Variants in ORC2 observed in about 807,000 individuals in gnomAD.
ORC2 encodes origin recognition complex subunit 2.
In ORC2, 37 loss-of-function variants were observed where a neutral mutation model predicts 77.7. That is an observed-to-expected ratio of 0.48 (90% CI 0.37 to 0.63). ORC2 has a LOEUF of 0.63. Among genes scored for constraint, ORC2 ranks in the 20% least tolerant of loss-of-function variants. ORC2 has a pLI of 0.00. For synonymous variants in ORC2, 201 were observed against 229.5 expected, an observed-to-expected ratio of 0.88 and a Z score of 1.12; for missense variants, 557 against 661.9, an observed-to-expected ratio of 0.84 and a Z score of 1.74.
At chr2:200,928,543 G>C (rs2040882027) in intron 11 of ORC2, among the ~76,000 whole-genome samples, 1 of 151,042 alleles carries the variant, frequency 6.6e-6, no homozygotes, top group Non-Finnish European at 1.5e-5. Context: ...GCCAGGCGCA[G>C]TGGCTCACGC....
Position 200,959,643 on chromosome 2 carries a change from T to C in ORC2, c.-59-203A>G, listed in dbSNP as rs16836259. 6.6e-3 allele frequency among the ~76,000 whole-genome samples: 1,010 copies of C among 152,326 alleles called. 9 individuals carry two copies. The highest frequency in any genetic ancestry group is 0.027 in the Middle Eastern group (8 of 294). On this transcript the variant is annotated intron_variant, in intron 1 of 17. Transcript: ENST00000234296. ...GGAAGCCCTAGATACTGAGAACATCTGGATGGAGTGGGAAGAGAGGAGGAC... is the reference window on the plus strand; with the variant it reads ...GGAAGCCCTAGATACTGAGAACATCCGGATGGAGTGGGAAGAGAGGAGGAC...
chr2:200,937,794 CAA>C (rs2041074669), intron 8 of ORC2, 110 bp downstream of exon 8: 2 of 708,870 alleles, frequency 2.8e-6, no homozygotes, highest in Non-Finnish European at 4.9e-6. Context: ...AACTAAAAGC[CAA>C]AGATTCAAAA....
At position 200,920,362 on chromosome 2, in the gene ORC2, G is replaced by A. The variant is rs2040734956; in HGVS notation, c.1326C>T (p.Asn442=). The change falls in exon 15 of 18, where the codon AAC becomes AAT. Residue 442 remains asparagine, a synonymous_variant. Transcript: ENST00000234296. The stretch of plus-strand genomic sequence containing the variant: ...ATGTAGTAGTTTCATACCAGAGCCA[G>A]TTAAAAAGACTCTGCTTTGCATGAT... ...MWDHAKQSLF[N]WLWYETTTYS... The A allele has an allele frequency of 6.2e-7, 1 of 1,606,732 alleles. No homozygotes were observed.
intron 17 of ORC2, among the ~76,000 whole-genome samples, chr2:200,911,707 T>G (rs912867712): frequency 2.0e-5 from 3 of 152,186 alleles, no homozygotes; most frequent in Non-Finnish European, 4.4e-5. Context: ...TTCTTCCTCC[T>G]TTCAACAAGA....
intron 5 of ORC2, among the ~76,000 whole-genome samples, chr2:200,945,425 C>T (rs1026869753): frequency 6.7e-6 from 1 of 148,632 alleles, no homozygotes; most frequent in Non-Finnish European, 1.5e-5. Context: ...GGTGTGGTGG[C>T]GTGTGACTTT....
At chr2:200,953,414 T>G (rs1195382583) in intron 4 of ORC2, among the ~76,000 whole-genome samples, 2 of 138,048 alleles carry the variant, frequency 1.4e-5, no homozygotes, top group East Asian at 1.9e-4. Context: ...GGCTACTGTT[T>G]TTTTTTTTTT....
In ORC2 at chr2:200,920,353, C is replaced by A; in HGVS notation, c.1335G>T (p.Trp445Cys). The A allele has an allele frequency of 6.2e-7, 1 of 1,608,732 alleles. No homozygotes were observed. Among genetic ancestry groups the A allele is most frequent in the South Asian group, 1.1e-5 (1 of 90,196 alleles). Residue 445 changes from tryptophan to cysteine, a missense_variant, in exon 15 of 18, where the codon TGG becomes TGT. Transcript: ENST00000234296. ...AAGGACTGTATGTAGTAGTTTCATA[C>A]CAGAGCCAGTTAAAAAGACTCTGCT... Reference protein sequence around the residue: ...HAKQSLFNWLWYETTTYSPYT... With the variant: ...HAKQSLFNWLCYETTTYSPYT...
chr2:200,912,032 A>G (rs1391152547), intron 17 of ORC2, among the ~76,000 whole-genome samples: 7 of 152,136 alleles, frequency 4.6e-5, no homozygotes, highest in Admixed American at 2.0e-4. Context: ...CTCTGCATTA[A>G]AACATGCTTC....
At chr2:200,928,983 T>G (rs1039133215) in intron 11 of ORC2, among the ~76,000 whole-genome samples, 9 of 152,044 alleles carry the variant, frequency 5.9e-5, no homozygotes, top group Admixed American at 5.2e-4. Flanking sequence ...TATTTTGAGA[T>G]GGAGTCCTGC....
At chr2:200,925,958 C>A in intron 12 of ORC2, 26 bp from the exon 13 acceptor site, 1 of 1,011,140 alleles carries the variant, frequency 9.9e-7, no homozygotes, top group East Asian at 2.4e-5. Flanking sequence ...GGAAGAGGTA[C>A]CACATTAATT....
intron 4 of ORC2, among the ~76,000 whole-genome samples, chr2:200,950,714 TTAAATA>T (rs2041338587): frequency 6.6e-6 from 1 of 152,212 alleles, no homozygotes. Flanking sequence ...TTGTTTTCAT[TTAAATA>T]TATGTAATTT....
intron 10 of ORC2, among the ~76,000 whole-genome samples, chr2:200,932,136 A>G (rs2040951230): frequency 6.6e-6 from 1 of 152,166 alleles, no homozygotes; most frequent in Non-Finnish European, 1.5e-5. Flanking sequence ...TAAAGCAAAC[A>G]GAACTACCTT....
chr2:200,935,379 T>G (rs958165770), intron 9 of ORC2, among the ~76,000 whole-genome samples: 3 of 152,228 alleles, frequency 2.0e-5, no homozygotes, highest in African/African-American at 7.2e-5. Flanking sequence ...CGCCTTGGCC[T>G]CCCAAAGTGC....
intron 4 of ORC2, among the ~76,000 whole-genome samples, chr2:200,952,739 T>C (rs1320719552): frequency 1.3e-5 from 2 of 151,874 alleles, no homozygotes; most frequent in Non-Finnish European, 2.9e-5. Flanking sequence ...TATCATTAAG[T>C]TATCAGTTTA....
intron 5 of ORC2, among the ~76,000 whole-genome samples, chr2:200,948,245 C>T (rs1425781726): frequency 2.6e-5 from 4 of 152,108 alleles, no homozygotes; most frequent in South Asian, 2.1e-4. Context: ...GACAGGGTTT[C>T]GCTATGTTGC....
chr2:200,957,189 G>A (rs1355733195), intron 4 of ORC2, among the ~76,000 whole-genome samples: 8 of 152,128 alleles, frequency 5.3e-5, no homozygotes, highest in African/African-American at 1.9e-4. Context: ...ACTTTAGAGT[G>A]GTTGGTCTAT....
At chr2:200,927,002 G>A (rs2040848160) in intron 11 of ORC2, 102 bp from the exon 12 acceptor site, 1 of 1,265,594 alleles carries the variant, frequency 7.9e-7, no homozygotes, top group Non-Finnish European at 1.1e-6. Context: ...AAAAATACAG[G>A]AAAGGGGTAG....
At chr2:200,926,984 A>G in intron 11 of ORC2, 84 bp from the exon 12 acceptor site, 1 of 1,408,296 alleles carries the variant, frequency 7.1e-7, no homozygotes, top group Non-Finnish European at 9.9e-7. Flanking sequence ...CCTTAAATTC[A>G]GTTTATAAAA....
At chr2:200,943,791 A>C (rs1396381274) in intron 5 of ORC2, among the ~76,000 whole-genome samples, 5 of 150,176 alleles carry the variant, frequency 3.3e-5, no homozygotes, top group Non-Finnish European at 5.9e-5. Context: ...CTTCTATATG[A>C]TTCACTAAGT....
Sources: allele counts gnomAD v4.1 joint callset (sites outside exome capture counted in the v4.1 genomes callset), GRCh38; gene constraint gnomAD v4.1.1; transcripts MANE v1.5; gene names NCBI Gene and HGNC (gene_info 2026-07-23, HGNC 2026-07-21).